Variants in GOLGA4 observed in about 807,000 individuals in gnomAD.
GOLGA4 encodes golgin A4, also known as golgin subfamily A member 4.
In GOLGA4, 169 loss-of-function variants were observed where a neutral mutation model predicts 265.9. The observed-to-expected ratio is 0.64, with a 90% CI of 0.56 to 0.72. The LOEUF is 0.72. GOLGA4 is among the 30% of genes least tolerant of loss of function. The probability of loss-of-function intolerance (pLI) is 0.00; values close to 1 mark genes in which losing one functional copy is unlikely to be tolerated. For synonymous variants in GOLGA4, 923 were observed against 855.8 expected, an observed-to-expected ratio of 1.08 and a Z score of -1.37; for missense variants, 2,482 against 2,483.4, an observed-to-expected ratio of 1.00 and a Z score of 0.01.
At position 37,272,895 on chromosome 3, in the gene GOLGA4, C is replaced by T. The variant is rs143688716; in HGVS notation, c.163-9063C>T. Among the ~76,000 whole-genome samples, 555 of 152,216 alleles carry T rather than the reference C, an allele frequency of 3.6e-3. 3 individuals carry two copies. Among genetic ancestry groups the T allele is most frequent in the African/African-American group, 0.012 (500 of 41,510 alleles). Reference sequence around the variant, plus strand: ...TAGAATTTTGAACCTCAAAGAATCTCATCTAGTATCATGAAATCTATGCCA... The same window carrying T: ...TAGAATTTTGAACCTCAAAGAATCTTATCTAGTATCATGAAATCTATGCCA... On this transcript the variant is annotated intron_variant, in intron 2 of 23. Transcript: ENST00000361924.
chr3:37,355,185 A>T lies in GOLGA4; in HGVS notation c.6661A>T (p.Met2221Leu), dbSNP rs547675952. 2 of 1,552,706 alleles carry T rather than the reference A, an allele frequency of 1.3e-6. No homozygotes were observed. Among genetic ancestry groups the T allele is most frequent in the African/African-American group, 1.4e-5 (1 of 73,786 alleles). ...TTTGGAAAGAGAAGATGCTCGGCTG[A>T]TGGTAAGTTCTGGAAGTGGGCTCTA... ...KILEREDARL[M>L]FTSPRSGIF Residue 2221 changes from methionine to leucine, a missense_variant and splice_region_variant, in exon 22 of 24, where the codon ATG becomes TTG. By Grantham distance (15) the Met-to-Leu change is conservative. Coordinates refer to ENST00000361924, the MANE Select transcript of GOLGA4 (RefSeq NM_002078.5).
At chr3:37,343,974 C>T (rs1242294132) in intron 20 of GOLGA4, among the ~76,000 whole-genome samples, 2 of 152,188 alleles carry the variant, frequency 1.3e-5, no homozygotes, top group Non-Finnish European at 2.9e-5. Context: ...TAGTAAAATT[C>T]CACCATTTCT....
At chr3:37,274,937 G>A (rs2096810197) in intron 2 of GOLGA4, among the ~76,000 whole-genome samples, 1 of 151,884 alleles carries the variant, frequency 6.6e-6, no homozygotes, top group South Asian at 2.1e-4. Context: ...TTTAGGGCCG[G>A]GTGCGGTGGC....
rs184605139 is a variant in GOLGA4 at position 37,251,829 on chromosome 3, C to T, written c.162+345C>T. On this transcript the variant is annotated intron_variant, in intron 2 of 23. Coordinates refer to ENST00000361924, the MANE Select transcript of GOLGA4 (RefSeq NM_002078.5). ...CCTCCTGAGTAGCTGGGACTATAGG[C>T]GCACGCCACCTGCCTGGCTAACGTT... Among the ~76,000 whole-genome samples, 30 of 152,148 alleles carry T rather than the reference C, an allele frequency of 2.0e-4. No homozygotes were observed. In the East Asian group the frequency reaches 4.3e-3, roughly 22 times the overall value.
intron 2 of GOLGA4, among the ~76,000 whole-genome samples, chr3:37,264,582 ACT>A (rs1385960841): frequency 1.3e-5 from 2 of 152,154 alleles, no homozygotes; most frequent in Non-Finnish European, 2.9e-5. Flanking sequence ...AGTATTCATA[ACT>A]CTGCAGTACT....
Position 37,327,324 on chromosome 3 carries a change from C to G in GOLGA4, c.5438C>G (p.Ala1813Gly), listed in dbSNP as rs145807516. 126 of 1,613,700 alleles carry G rather than the reference C, an allele frequency of 7.8e-5. No homozygotes were observed. In the African/African-American group the frequency reaches 1.4e-3, roughly 18 times the overall value. ...EKNKKYSLIVAQHVEKEGGKN... is the reference protein window; with the variant it reads ...EKNKKYSLIVGQHVEKEGGKN... ...AACAAGAAATATTCCTTGATAGTAG[C>G]CCAGCATGTGGAAAAAGAAGGAGGT... The change falls in exon 14 of 24, where the codon GCC becomes GGC. Residue 1813 changes from alanine to glycine, a missense_variant. Ala to Gly is a moderately conservative substitution (Grantham distance 60). This residue lies in a region of GOLGA4 where 942 missense variants were observed against 983.1 expected (regional missense o/e 0.96). Transcript: ENST00000361924.
chr3:37,258,319 A>G (rs1440753307), intron 2 of GOLGA4, among the ~76,000 whole-genome samples: 1 of 150,906 alleles, frequency 6.6e-6, no homozygotes, highest in Non-Finnish European at 1.5e-5. Flanking sequence ...GAGAGCATAT[A>G]TATATGCTGT....
intron 2 of GOLGA4, among the ~76,000 whole-genome samples, chr3:37,258,272 G>A (rs1162644454): frequency 6.8e-6 from 1 of 147,868 alleles, no homozygotes; most frequent in Non-Finnish European, 1.5e-5. Flanking sequence ...TATATATAGA[G>A]CATATATATG....
At chr3:37,271,153 C>T (rs1012761621) in intron 2 of GOLGA4, among the ~76,000 whole-genome samples, 1 of 152,164 alleles carries the variant, frequency 6.6e-6, no homozygotes, top group East Asian at 1.9e-4. Flanking sequence ...CATGAAGTTT[C>T]GCTTGCTCAC....
chr3:37,281,637 T>C (rs1466819091), intron 2 of GOLGA4, among the ~76,000 whole-genome samples: 3 of 152,158 alleles, frequency 2.0e-5, no homozygotes, highest in Non-Finnish European at 4.4e-5. Flanking sequence ...ATCCTCACAA[T>C]ACACCTGTGA....
Position 37,243,489 on chromosome 3 carries a change from G to A in GOLGA4, c.-62G>A. Reference sequence around the variant, plus strand: ...AAGTCGCCGTAGCCGTCGCGGCCGGGACTCCCCGGGCTCTCGCCCTTCAGG... The same window carrying A: ...AAGTCGCCGTAGCCGTCGCGGCCGGAACTCCCCGGGCTCTCGCCCTTCAGG... On this transcript the variant is annotated 5_prime_UTR_variant, in exon 1 of 24. Transcript: ENST00000361924. The A allele has an allele frequency of 2.0e-6, 3 of 1,463,412 alleles. No individual in the cohort carries two copies. The highest frequency in any genetic ancestry group is 2.9e-6 in the Non-Finnish European group (3 of 1,043,182). The allele number at this position is 1,463,412 out of a possible 1,614,324, so 90.7% of individuals were successfully genotyped here. A position where few individuals can be genotyped will look rare whatever the true frequency, so the allele number is the denominator to read the frequency against.
At chr3:37,297,212 C>A (rs896728366) in intron 7 of GOLGA4, among the ~76,000 whole-genome samples, 1 of 152,176 alleles carries the variant, frequency 6.6e-6, no homozygotes, top group African/African-American at 2.4e-5. Flanking sequence ...AATAAAATTC[C>A]CGTCTTTTAT....
At chr3:37,353,820 A>G (rs1233962878) in intron 21 of GOLGA4, among the ~76,000 whole-genome samples, 4 of 151,972 alleles carry the variant, frequency 2.6e-5, no homozygotes, top group African/African-American at 9.7e-5. Context: ...TCTAAACTTT[A>G]GGACTCAAGC....
intron 9 of GOLGA4, among the ~76,000 whole-genome samples, chr3:37,299,932 T>C (rs1454918998): frequency 1.3e-5 from 2 of 151,344 alleles, no homozygotes; most frequent in Non-Finnish European, 2.9e-5. Flanking sequence ...ATGCCTGTGG[T>C]CCCAGCTACT....
At chr3:37,357,163 G>T (rs2097093027) in intron 22 of GOLGA4, among the ~76,000 whole-genome samples, 2 of 152,110 alleles carry the variant, frequency 1.3e-5, no homozygotes, top group Admixed American at 6.5e-5. Context: ...TTCATTCTAG[G>T]TAGGGATGAA....
intron 20 of GOLGA4, among the ~76,000 whole-genome samples, chr3:37,345,701 C>G (rs2097053974): frequency 6.6e-6 from 1 of 152,156 alleles, no homozygotes; most frequent in South Asian, 2.1e-4. Context: ...GCTATCCCAG[C>G]ACTTTGGGAG....
chr3:37,321,693 A>G, intron 12 of GOLGA4, 38 bp from the exon 13 acceptor site: 1 of 1,557,908 alleles, frequency 6.4e-7, no homozygotes, highest in South Asian at 1.2e-5. Context: ...CTGAAGATTT[A>G]TGTGCGTTTA....
At chr3:37,323,542 G>GAC in intron 13 of GOLGA4, 46 bp from the exon 14 acceptor site, 1 of 1,160,956 alleles carries the variant, frequency 8.6e-7, no homozygotes. Flanking sequence ...ATTGTTAGTA[G>GAC]ACAAGTACGT....
At chr3:37,274,242 A>T (rs1161763686) in intron 2 of GOLGA4, among the ~76,000 whole-genome samples, 2 of 152,040 alleles carry the variant, frequency 1.3e-5, no homozygotes, top group Non-Finnish European at 2.9e-5. Flanking sequence ...GTGGAAGGGG[A>T]ATATGAAGGA....
Sources: allele counts gnomAD v4.1 joint callset (sites outside exome capture counted in the v4.1 genomes callset), GRCh38; gene constraint gnomAD v4.1.1; regional missense constraint gnomAD v4.1.1; transcripts MANE v1.5; gene names NCBI Gene and HGNC (gene_info 2026-07-23, HGNC 2026-07-21).